PHLPP1: variants seen among roughly 807,000 people sequenced by gnomAD.
PHLPP1 encodes the protein PH domain leucine-rich repeat-containing protein phosphatase 1.
Under a neutral mutation model 117.2 loss-of-function variants are expected in PHLPP1, and 42 were observed. The ratio of observed to expected loss-of-function variants is 0.36; its 90% CI spans 0.28 to 0.46. PHLPP1 has a LOEUF of 0.46. Ranked by LOEUF, PHLPP1 falls within the 20% of genes least tolerant of loss-of-function variation. The probability of loss-of-function intolerance (pLI) is 1.00; values close to 1 mark genes in which losing one functional copy is unlikely to be tolerated. For missense variants in PHLPP1, 2,084 were observed against 2,241.9 expected (o/e 0.93, Z 1.42); for synonymous variants, 1,042 against 970.7 (o/e 1.07, Z -1.37).
intron 10 of PHLPP1, among the ~76,000 whole-genome samples, chr18:62,929,356 A>C (rs546698982): frequency 1.3e-5 from 2 of 152,332 alleles, no homozygotes; most frequent in African/African-American, 4.8e-5. Flanking sequence ...AATAAATTGT[A>C]ATTTATAAAT....
intron 1 of PHLPP1, among the ~76,000 whole-genome samples, chr18:62,753,945 G>A (rs930134375): frequency 6.6e-6 from 1 of 152,154 alleles, no homozygotes; most frequent in African/African-American, 2.4e-5. Context: ...TTGGAGTTGG[G>A]TTGGTTATTT....
intron 1 of PHLPP1, among the ~76,000 whole-genome samples, chr18:62,777,536 T>C (rs1251584143): frequency 6.6e-6 from 1 of 150,934 alleles, no homozygotes; most frequent in Non-Finnish European, 1.5e-5. Context: ...ACATATTATC[T>C]AAAGGGTGTT....
intron 1 of PHLPP1, among the ~76,000 whole-genome samples, chr18:62,757,070 G>A (rs762717791): frequency 1.3e-5 from 2 of 152,120 alleles, no homozygotes; most frequent in South Asian, 2.1e-4. Context: ...TATCCTTAAC[G>A]TTAAAACTTG....
chr18:62,864,777 A>C (rs1008884842), intron 4 of PHLPP1, among the ~76,000 whole-genome samples: 4 of 152,198 alleles, frequency 2.6e-5, no homozygotes, highest in African/African-American at 9.6e-5. Context: ...TTTTTACATT[A>C]CCCATCCCTT....
At chr18:62,957,250 C>G (rs1910636823) in intron 12 of PHLPP1, among the ~76,000 whole-genome samples, 1 of 152,118 alleles carries the variant, frequency 6.6e-6, no homozygotes, top group African/African-American at 2.4e-5. Context: ...CAAGGGCAGC[C>G]CCTCTTTTTA....
intron 14 of PHLPP1, among the ~76,000 whole-genome samples, chr18:62,968,944 A>G (rs1599146582): frequency 6.6e-6 from 1 of 152,052 alleles, no homozygotes; most frequent in East Asian, 1.9e-4. Context: ...GATTTGGTTT[A>G]TCGATTTTAT....
intron 10 of PHLPP1, among the ~76,000 whole-genome samples, chr18:62,930,732 A>C (rs540218957): frequency 6.6e-6 from 1 of 152,364 alleles, no homozygotes; most frequent in South Asian, 2.1e-4. Context: ...CAACCACAGA[A>C]TATACATTCT....
At chr18:62,889,633 A>G (rs1916361260) in intron 4 of PHLPP1, 1 of 152,268 alleles carries the variant, frequency 6.6e-6, no homozygotes, top group African/African-American at 2.4e-5. Context: ...TGCCCATGCT[A>G]GGGCACATGG....
chr18:62,948,966 T>C (rs1362107107), intron 12 of PHLPP1, among the ~76,000 whole-genome samples: 1 of 152,134 alleles, frequency 6.6e-6, no homozygotes, highest in African/African-American at 2.4e-5. Flanking sequence ...GTGTGCCTAT[T>C]TTTATGTATT....
At position 62,905,277 on chromosome 18, in the gene PHLPP1, G is replaced by T; in HGVS notation, c.2701G>T (p.Val901Phe). ...PVPNYLSYMD[V>F]SRNRLENVPE... ...TCCAAATTATCTGTCCTACATGGAT[G>T]TTTCAAGGTAAGAAGTCAAGTCTTA... is the stretch of plus-strand genomic sequence containing the variant. Residue 901 changes from valine to phenylalanine, a missense_variant, in exon 8 of 17, where the codon GTT becomes TTT. Physicochemically the swap from Val to Phe is conservative, Grantham distance 50 (BLOSUM62 -1). Coordinates refer to ENST00000262719, the MANE Select transcript of PHLPP1 (RefSeq NM_194449.4). 6.7e-7 allele frequency: 1 copy of T among 1,498,576 alleles called. No individual in the cohort carries two copies. The highest frequency in any genetic ancestry group is 8.9e-7 in the Non-Finnish European group (1 of 1,119,806). 92.8% of individuals were successfully genotyped at this position (1,498,576 alleles called of 1,614,324 possible). A position where few individuals can be genotyped will look rare whatever the true frequency, so the allele number is the denominator to read the frequency against.
At chr18:62,803,599 G>C (rs1427497237) in intron 1 of PHLPP1, among the ~76,000 whole-genome samples, 2 of 152,164 alleles carry the variant, frequency 1.3e-5, no homozygotes, top group African/African-American at 2.4e-5. Context: ...TTTTTGGACA[G>C]CTGTGTTTCC....
At chr18:62,750,086 C>T (rs35513655) in intron 1 of PHLPP1, among the ~76,000 whole-genome samples, 4 of 152,104 alleles carry the variant, frequency 2.6e-5, no homozygotes, top group African/African-American at 4.8e-5. Flanking sequence ...TTAAGGCCCA[C>T]CCTAACAGCC....
intron 1 of PHLPP1, among the ~76,000 whole-genome samples, chr18:62,772,913 T>A (rs1298891494): frequency 6.7e-6 from 1 of 149,532 alleles, no homozygotes; most frequent in Non-Finnish European, 1.5e-5. Context: ...CAAAATACAA[T>A]CCTTATATAT....
intron 10 of PHLPP1, among the ~76,000 whole-genome samples, chr18:62,922,789 T>C (rs1909513693): frequency 6.6e-6 from 1 of 152,232 alleles, no homozygotes; most frequent in Non-Finnish European, 1.5e-5. Flanking sequence ...AGGACGTTTC[T>C]GTATTTCATT....
At chr18:62,968,241 A>G (rs558006728) in intron 14 of PHLPP1, among the ~76,000 whole-genome samples, 58 of 152,324 alleles carry the variant, frequency 3.8e-4, no homozygotes, top group African/African-American at 1.3e-3. Context: ...TGGGTTTGGT[A>G]TCAGGGTAAT....
chr18:62,914,776 CCA>C, intron 8 of PHLPP1, 135 bp from the exon 9 acceptor site: 1 of 624,652 alleles, frequency 1.6e-6, no homozygotes, highest in Non-Finnish European at 2.9e-6. Context: ...AAAAGCGAAT[CCA>C]CACATTCTTT....
In PHLPP1 at chr18:62,914,965, G is replaced by A; in HGVS notation, c.2761G>A (p.Val921Ile). ...EWVCESRKLEVLDIGHNQICE... is the reference protein window; with the variant it reads ...EWVCESRKLEILDIGHNQICE... The stretch of plus-strand genomic sequence containing the variant: ...GGTATGTGAAAGCCGAAAGCTAGAA[G>A]TTTTGGATATTGGCCATAATCAAAT... Residue 921 changes from valine (V) to isoleucine (I), a missense_variant, in exon 9 of 17, where the codon GTT (valine) becomes ATT (isoleucine). Val to Ile is a conservative substitution (Grantham distance 29). Transcript: ENST00000262719. 1 of 1,613,800 alleles carries A rather than the reference G, an allele frequency of 6.2e-7. No individual in the cohort carries two copies. Among genetic ancestry groups the A allele is most frequent in the African/African-American group, 1.3e-5 (1 of 75,048 alleles).
chr18:62,831,497 C>G (rs1645596712), intron 2 of PHLPP1, among the ~76,000 whole-genome samples: 2 of 152,004 alleles, frequency 1.3e-5, no homozygotes, highest in South Asian at 4.2e-4. Flanking sequence ...GACACCATAT[C>G]CAGCTAATTT....
intron 3 of PHLPP1, among the ~76,000 whole-genome samples, chr18:62,852,193 T>A (rs1915371935): frequency 5.3e-5 from 8 of 152,170 alleles, no homozygotes; most frequent in Admixed American, 5.2e-4. Context: ...ATTTTATTGC[T>A]TATATATCTT....
Sources: gnomAD v4.1 joint callset for allele counts (sites outside exome capture counted in the v4.1 genomes callset) on GRCh38, gnomAD v4.1.1 for gene constraint, MANE v1.5 for transcripts, NCBI Gene and HGNC (gene_info 2026-07-23, HGNC 2026-07-21) for gene names.